ZNF565: variants seen among roughly 807,000 people sequenced by gnomAD.
The protein encoded by ZNF565 is zinc finger protein 565.
ZNF565 carries 27 observed loss-of-function variants against 39.4 expected under a neutral mutation model. That is an observed-to-expected ratio of 0.69 (90% CI 0.51 to 0.95). The LOEUF (loss-of-function observed/expected upper bound fraction) is 0.95, where lower values mean the gene tolerates loss of function less well. Ranked by LOEUF, ZNF565 falls within the 40% of genes least tolerant of loss-of-function variation. ZNF565 has a pLI of 0.00. For synonymous variants in ZNF565, 185 were observed against 216.6 expected (o/e 0.85, Z 1.28); for missense variants, 524 against 621.1 (o/e 0.84, Z 1.66).
rs1057207498 is a variant in ZNF565, at chr19:36,245,911, G to A, written c.-381C>T. On this transcript the variant is annotated 5_prime_UTR_variant, in exon 1 of 5. Transcript: ENST00000355114. This position sits in a 1 kb window ranked among gnomAD's most constrained non-coding sequence, Gnocchi z 4.4. ...CCCGACCGGGATCGCCCCGCGAGAT[G>A]CAGTCGTTGAGGGAGTCAGGAGCCC... 7 of 239,302 alleles carry A rather than the reference G, an allele frequency of 2.9e-5. No individual in the cohort carries two copies. Among genetic ancestry groups the A allele is most frequent in the Admixed American group, 1.1e-4 (2 of 18,954 alleles). 14.8% of individuals were successfully genotyped at this position (239,302 alleles called of 1,614,324 possible).
upstream of ZNF565, among the ~76,000 whole-genome samples, chr19:36,215,621 A>T (rs185390035): frequency 6.6e-6 from 1 of 152,010 alleles, no homozygotes; most frequent in Admixed American, 6.6e-5. Flanking sequence ...ATATAAAAGC[A>T]TTTCTTTTTA....
chr19:36,201,296 T>C (rs1975956926), intron 2 of ZNF565, among the ~76,000 whole-genome samples: 1 of 152,054 alleles, frequency 6.6e-6, no homozygotes, highest in African/African-American at 2.4e-5. Context: ...AGCGAGACCC[T>C]GTCTCAAAAA....
chr19:36,234,427 G>T (rs533441415), intron 1 of ZNF565, among the ~76,000 whole-genome samples: 17 of 152,264 alleles, frequency 1.1e-4, no homozygotes, highest in Non-Finnish European at 2.4e-4. Context: ...TAACCATGTT[G>T]TCCTAATATT....
intron 4 of ZNF565, among the ~76,000 whole-genome samples, chr19:36,191,830 G>A (rs1176764665): frequency 1.3e-5 from 2 of 152,126 alleles, no homozygotes; most frequent in African/African-American, 4.8e-5. Flanking sequence ...AATAACTGGT[G>A]CAGACAAGGT....
At chr19:36,211,989 G>GT (rs1301963972) in intron 1 of ZNF565, among the ~76,000 whole-genome samples, 1 of 152,110 alleles carries the variant, frequency 6.6e-6, no homozygotes, top group African/African-American at 2.4e-5. Context: ...CACAAGACAT[G>GT]TATCAATTAT....
upstream of ZNF565, chr19:36,215,159 A>G (rs1198969896): frequency 1.3e-5 from 2 of 152,210 alleles, no homozygotes; most frequent in East Asian, 1.9e-4. Context: ...TCCGCGGGTC[A>G]GTACGGCCCC....
chr19:36,183,087 T>C lies in ZNF565; in HGVS notation c.879A>G (p.Gln293=), dbSNP rs1371614457. The change falls in exon 5 of 5, where the codon CAA becomes CAG. Residue 293 remains glutamine (Q), a synonymous_variant. Coordinates refer to ENST00000304116, the MANE Select transcript of ZNF565 (RefSeq NM_152477.5). ...DCGKAFIRGS[Q]LTVHRRIHTG... is the part of the protein sequence containing the mutation. The stretch of plus-strand genomic sequence containing the variant: ...TGTGGATTCTCCGATGCACAGTGAG[T>C]TGGGAGCCACGAATGAAAGCCTTGC... The C allele has an allele frequency of 6.2e-7, 1 of 1,614,082 alleles. No individual in the cohort carries two copies. Among genetic ancestry groups the C allele is most frequent in the South Asian group, 1.1e-5 (1 of 91,080 alleles).
intron 4 of ZNF565, among the ~76,000 whole-genome samples, chr19:36,191,893 C>A (rs1219273041): frequency 6.6e-6 from 1 of 152,010 alleles, no homozygotes; most frequent in Admixed American, 6.6e-5. Flanking sequence ...GCACATTTGC[C>A]TAGTGTGAAA....
chr19:36,223,352 A>C (rs1331746600), intron 1 of ZNF565, among the ~76,000 whole-genome samples: 1 of 151,886 alleles, frequency 6.6e-6, no homozygotes, highest in Admixed American at 6.6e-5. Flanking sequence ...CAAAAAAAAA[A>C]AAAAATCTAG....
chr19:36,221,740 T>A (rs910266828), intron 1 of ZNF565, among the ~76,000 whole-genome samples: 2 of 152,228 alleles, frequency 1.3e-5, no homozygotes, highest in African/African-American at 4.8e-5. Flanking sequence ...TGTCTTGTTT[T>A]TTTTTGTTTG....
Position 36,201,994 on chromosome 19 carries a change from G to T in ZNF565, c.-9C>A, listed in dbSNP as rs930965140. The T allele has an allele frequency of 2.5e-6, 4 of 1,614,110 alleles. No individual in the cohort carries two copies. Among genetic ancestry groups the T allele is most frequent in the East Asian group, 4.5e-5 (2 of 44,882 alleles). On this transcript the variant is annotated 5_prime_UTR_variant, in exon 2 of 5. Coordinates refer to ENST00000304116, the MANE Select transcript of ZNF565 (RefSeq NM_152477.5). ...CAACATACCTGGGCCATGGCTTTTA[G>T]AACTATTTGACCTGCTCTGATTTCT...
intron 1 of ZNF565, among the ~76,000 whole-genome samples, chr19:36,234,416 T>G (rs1353576631): frequency 6.6e-6 from 1 of 152,220 alleles, no homozygotes; most frequent in African/African-American, 2.4e-5. Flanking sequence ...CCTTAGAAGA[T>G]TAACCATGTT....
chr19:36,189,251 T>G (rs1034664827), intron 4 of ZNF565, among the ~76,000 whole-genome samples: 1 of 151,898 alleles, frequency 6.6e-6, no homozygotes, highest in Non-Finnish European at 1.5e-5. Flanking sequence ...ATCGTGCTAC[T>G]ACACTCCAGC....
intron 1 of ZNF565, among the ~76,000 whole-genome samples, chr19:36,205,727 A>C (rs1208670774): frequency 6.6e-6 from 1 of 152,110 alleles, no homozygotes; most frequent in Non-Finnish European, 1.5e-5. Flanking sequence ...TTTTTCAGGC[A>C]CGAAGAGGGC....
chr19:36,199,572 A>G (rs886523539), intron 2 of ZNF565, among the ~76,000 whole-genome samples: 11 of 140,784 alleles, frequency 7.8e-5, no homozygotes. Context: ...CAGTGGCATG[A>G]TCTCGGCTCA....
intron 1 of ZNF565, among the ~76,000 whole-genome samples, chr19:36,233,822 C>T (rs182872669): frequency 6.6e-6 from 1 of 152,306 alleles, no homozygotes; most frequent in Admixed American, 6.5e-5. Context: ...ATTCCATTGC[C>T]CAGGGAAGAG....
chr19:36,229,742 C>T (rs551122891), intron 1 of ZNF565, among the ~76,000 whole-genome samples: 32 of 152,122 alleles, frequency 2.1e-4, no homozygotes, highest in African/African-American at 7.7e-4. Context: ...TTTTTTGAGA[C>T]AGAGTTTTGC....
At chr19:36,240,513 C>G (rs1977779843) in intron 1 of ZNF565, among the ~76,000 whole-genome samples, 1 of 152,118 alleles carries the variant, frequency 6.6e-6, no homozygotes, top group East Asian at 1.9e-4. Context: ...ATGTCCCACC[C>G]AAAACTCAAT....
chr19:36,192,243 T>A (rs2145317026), intron 4 of ZNF565, among the ~76,000 whole-genome samples: 1 of 151,446 alleles, frequency 6.6e-6, no homozygotes, highest in South Asian at 2.1e-4. Context: ...CGCCTTGGCC[T>A]CCCAAAGTGT....
Sources: allele counts gnomAD v4.1 joint callset (sites outside exome capture counted in the v4.1 genomes callset), GRCh38; gene constraint gnomAD v4.1.1; non-coding constraint Gnocchi (gnomAD v3.1); transcripts MANE v1.5; gene names NCBI Gene and HGNC (gene_info 2026-07-23, HGNC 2026-07-21).